The following TMEM131L variants were observed in gnomAD, a reference collection of about 807,000 sequenced individuals.
TMEM131L encodes the protein transmembrane 131 like, also known as transmembrane protein 131-like.
TMEM131L carries 54 observed loss-of-function variants against 192.2 expected under a neutral mutation model. The observed-to-expected ratio is 0.28, with a 90% CI of 0.23 to 0.35. The LOEUF (loss-of-function observed/expected upper bound fraction) is 0.35, where lower values mean the gene tolerates loss of function less well. Among genes scored for constraint, TMEM131L ranks in the 10% least tolerant of loss-of-function variants. The probability of loss-of-function intolerance (pLI) is 1.00; values close to 1 mark genes in which losing one functional copy is unlikely to be tolerated. For synonymous variants in TMEM131L, 701 were observed against 704.9 expected, an observed-to-expected ratio of 0.99 and a Z score of 0.09; for missense variants, 1,888 against 1,972.9, an observed-to-expected ratio of 0.96 and a Z score of 0.82.
intron 3 of TMEM131L, among the ~76,000 whole-genome samples, chr4:153,544,171 G>A (rs1736999778): frequency 6.6e-6 from 1 of 152,214 alleles, no homozygotes; most frequent in Non-Finnish European, 1.5e-5. Context: ...AGATGTGGGG[G>A]CATCAAGAGA....
intron 18 of TMEM131L, 62 bp downstream of exon 18, chr4:153,592,646 T>A: frequency 1.8e-6 from 2 of 1,093,216 alleles, no homozygotes; most frequent in Non-Finnish European, 2.8e-6. Flanking sequence ...TAGAATTACT[T>A]AATGTCCTAC....
chr4:153,560,993 A>C (rs1234938760), intron 7 of TMEM131L, among the ~76,000 whole-genome samples: 1 of 152,252 alleles, frequency 6.6e-6, no homozygotes, highest in Non-Finnish European at 1.5e-5. Flanking sequence ...ATCATTTTAC[A>C]ATCCCACTAG....
At chr4:153,527,267 G>GT (rs10708884) in intron 3 of TMEM131L, among the ~76,000 whole-genome samples, 1 of 151,552 alleles carries the variant, frequency 6.6e-6, no homozygotes, top group Non-Finnish European at 1.5e-5. Context: ...CAAATCTTCA[G>GT]TTTTTTTTCT....
At chr4:153,510,569 A>C (rs1457845695) in intron 3 of TMEM131L, among the ~76,000 whole-genome samples, 1 of 152,166 alleles carries the variant, frequency 6.6e-6, no homozygotes, top group Non-Finnish European at 1.5e-5. Flanking sequence ...ACCTTTTGCA[A>C]ATGTTTCCCA....
chr4:153,563,877 T>C (rs1004455497), intron 7 of TMEM131L, among the ~76,000 whole-genome samples: 4 of 152,242 alleles, frequency 2.6e-5, no homozygotes, highest in Middle Eastern at 3.4e-3. Context: ...GTTTTTCTTA[T>C]TCCTCCCAAT....
chr4:153,560,453 A>AT (rs1728775729), intron 7 of TMEM131L, among the ~76,000 whole-genome samples: 4 of 152,072 alleles, frequency 2.6e-5, no homozygotes, highest in Admixed American at 2.6e-4. Context: ...TCTTTTTTGT[A>AT]TTTTTAAAAT....
At chr4:153,593,692 A>C in intron 18 of TMEM131L, 107 bp from the exon 19 acceptor site, 1 of 738,648 alleles carries the variant, frequency 1.4e-6, no homozygotes, top group Non-Finnish European at 2.4e-6. Context: ...ATGTGTGTGC[A>C]AATGTACTCA....
intron 13 of TMEM131L, 130 bp from the exon 14 acceptor site, chr4:153,586,079 T>C (rs1480698229): frequency 4.9e-6 from 3 of 615,194 alleles, no homozygotes; most frequent in Non-Finnish European, 7.6e-6. Flanking sequence ...ATTCCAACTT[T>C]TGATCTGGAA....
intron 3 of TMEM131L, among the ~76,000 whole-genome samples, chr4:153,546,570 T>A (rs1374008033): frequency 6.6e-6 from 1 of 152,214 alleles, no homozygotes; most frequent in African/African-American, 2.4e-5. Context: ...TGAGGATAAT[T>A]GTTCATGTCT....
intron 33 of TMEM131L, among the ~76,000 whole-genome samples, chr4:153,634,781 A>G (rs1734458084): frequency 1.3e-5 from 2 of 152,234 alleles, no homozygotes; most frequent in African/African-American, 4.8e-5. Flanking sequence ...AGCATCTGTA[A>G]TAATAAAAAA....
chr4:153,551,225 CATGG>C (rs1737595085), intron 4 of TMEM131L, among the ~76,000 whole-genome samples: 1 of 152,156 alleles, frequency 6.6e-6, no homozygotes, highest in Non-Finnish European at 1.5e-5. Flanking sequence ...ATGAAATAAC[CATGG>C]CCGTAGGAGA....
intron 3 of TMEM131L, among the ~76,000 whole-genome samples, chr4:153,495,439 A>G (rs1387622183): frequency 6.6e-6 from 1 of 152,144 alleles, no homozygotes; most frequent in Non-Finnish European, 1.5e-5. Flanking sequence ...TATATATTTT[A>G]GGGAGACATG....
rs1179310026 is a variant in TMEM131L at position 153,603,956 on chromosome 4, T to C, written c.2944T>C (p.Ser982Pro). 2 of 1,613,954 alleles carry C rather than the reference T, an allele frequency of 1.2e-6. No individual in the cohort carries two copies. Among genetic ancestry groups the C allele is most frequent in the Non-Finnish European group, 1.7e-6 (2 of 1,179,980 alleles). ...YGHSQKKHKC[S>P]VYYSKHKTST... ...TCATTCTCAGAAGAAGCACAAATGC[T>C]CAGTGTATTACAGTAAACACAAAAC... Residue 982 changes from serine to proline, a missense_variant, in exon 25 of 35, where the codon TCA becomes CCA. Physicochemically the swap from Ser to Pro is moderately conservative, Grantham distance 74 (BLOSUM62 -1). Transcript: ENST00000409959.
chr4:153,593,868 C>T lies in TMEM131L; in HGVS notation c.1992C>T (p.Tyr664=), dbSNP rs1444509540. 1 of 1,608,130 alleles carries T rather than the reference C, an allele frequency of 6.2e-7. No homozygotes were observed. Among genetic ancestry groups the T allele is most frequent in the Non-Finnish European group, 8.5e-7 (1 of 1,174,616 alleles). ...GEFQLTEACP[Y]LGTHSEESRF... ...TCCAGCTCACCGAAGCTTGCCCTTA[C>T]CTGGTAGGATGTTATCCTAAAACAG... The change falls in exon 19 of 35, where the codon TAC becomes TAT. Residue 664 remains tyrosine (Y), a synonymous_variant. Transcript: ENST00000409959.
chr4:153,579,034 G>A (rs1026256722), intron 7 of TMEM131L, among the ~76,000 whole-genome samples: 8 of 152,084 alleles, frequency 5.3e-5, no homozygotes, highest in Non-Finnish European at 1.2e-4. Context: ...TTTTCTGTTT[G>A]ATGTTGGGAT....
intron 21 of TMEM131L, among the ~76,000 whole-genome samples, chr4:153,601,593 A>C (rs1428294924): frequency 1.3e-5 from 2 of 152,254 alleles, no homozygotes; most frequent in Non-Finnish European, 2.9e-5. Context: ...ATTGTGTGTT[A>C]TAAATTCACA....
intron 3 of TMEM131L, among the ~76,000 whole-genome samples, chr4:153,537,291 A>G (rs1444360549): frequency 1.3e-5 from 2 of 151,888 alleles, no homozygotes; most frequent in East Asian, 1.9e-4. Context: ...TGAACCTGTT[A>G]CAGGAAAGAG....
intron 4 of TMEM131L, among the ~76,000 whole-genome samples, chr4:153,550,388 G>A (rs1489904485): frequency 1.3e-5 from 2 of 152,110 alleles, no homozygotes; most frequent in East Asian, 1.9e-4. Flanking sequence ...GTGCAGTGGC[G>A]TGATCTCTGC....
At chr4:153,522,748 A>T (rs1735207571) in intron 3 of TMEM131L, among the ~76,000 whole-genome samples, 1 of 152,224 alleles carries the variant, frequency 6.6e-6, no homozygotes, top group Non-Finnish European at 1.5e-5. Flanking sequence ...GAAGGTGGTC[A>T]TTCCCATATC....
Sources: allele counts gnomAD v4.1 joint callset (sites outside exome capture counted in the v4.1 genomes callset), GRCh38; gene constraint gnomAD v4.1.1; transcripts MANE v1.5; gene names NCBI Gene and HGNC (gene_info 2026-07-23, HGNC 2026-07-21).